The following WASHC4 variants were observed in gnomAD, a reference collection of about 807,000 sequenced individuals.
WASHC4 encodes the protein WASH complex subunit 4.
A neutral mutation model predicts 166.6 loss-of-function variants in WASHC4; 86 were observed. That is an observed-to-expected ratio of 0.52 (90% CI 0.43 to 0.62). The LOEUF is 0.62. Ranked by LOEUF, WASHC4 falls within the 20% of genes least tolerant of loss-of-function variation. The pLI is 0.00. For synonymous variants in WASHC4, 446 were observed against 451.6 expected (o/e 0.99, Z 0.16); for missense variants, 1,262 against 1,382.4 (o/e 0.91, Z 1.38).
rs1474734928 is a variant in WASHC4 at position 105,141,158 on chromosome 12, C to T, written c.1708-9C>T. 26 of 1,611,926 alleles carry T rather than the reference C, an allele frequency of 1.6e-5. No homozygotes were observed. Among genetic ancestry groups the T allele is most frequent in the Non-Finnish European group, 2.0e-5 (24 of 1,178,198 alleles). On this transcript the variant is annotated splice_polypyrimidine_tract_variant and intron_variant, in intron 17 of 32. Coordinates refer to ENST00000332180, the MANE Select transcript of WASHC4 (RefSeq NM_015275.3). The stretch of plus-strand genomic sequence containing the variant: ...CAACTTCTCTGCCTTTTTTTCCTGT[C>T]CCTGATAGAAAACATTTAAAGATGA...
intron 22 of WASHC4, 68 bp from the exon 23 acceptor site, chr12:105,146,384 T>C (rs1337596132): frequency 3.8e-5 from 36 of 940,372 alleles, no homozygotes; most frequent in Non-Finnish European, 3.7e-5. Flanking sequence ...TAAGTCATTA[T>C]GCTGATACAA....
intron 8 of WASHC4, 46 bp downstream of exon 8, chr12:105,120,643 A>T (rs777522503): frequency 7.3e-7 from 1 of 1,366,200 alleles, no homozygotes; most frequent in South Asian, 1.2e-5. Context: ...TTATTACTAT[A>T]TTTTACTTTG....
At chr12:105,110,999 A>G in intron 1 of WASHC4, 126 bp from the exon 2 acceptor site, 3 of 694,644 alleles carry the variant, frequency 4.3e-6, no homozygotes, top group Middle Eastern at 2.6e-4. Flanking sequence ...CTTTATTTTC[A>G]GGAAGTCCAG....
intron 2 of WASHC4, among the ~76,000 whole-genome samples, chr12:105,111,790 AGTTT>A (rs913704825): frequency 1.3e-5 from 2 of 152,204 alleles, no homozygotes; most frequent in African/African-American, 4.8e-5. Flanking sequence ...CTTTAAAATT[AGTTT>A]GTTACCACTT....
chr12:105,139,700 G>A (rs1882653342), intron 15 of WASHC4, among the ~76,000 whole-genome samples: 2 of 151,086 alleles, frequency 1.3e-5, no homozygotes, highest in African/African-American at 4.9e-5. Flanking sequence ...ATTGGATTGT[G>A]TGCCTTTAAA....
At chr12:105,157,375 G>A in intron 28 of WASHC4, 53 bp downstream of exon 28, 1 of 961,104 alleles carries the variant, frequency 1.0e-6, no homozygotes, top group Non-Finnish European at 1.7e-6. Flanking sequence ...ACATTCTGAA[G>A]AGAAGACCAG....
chr12:105,159,932 TGA>T, intron 28 of WASHC4, 67 bp from the exon 29 acceptor site: 1 of 1,389,896 alleles, frequency 7.2e-7, no homozygotes, highest in Non-Finnish European at 1.0e-6. Flanking sequence ...TCTAAACTAT[TGA>T]GAGATGGATT....
At chr12:105,109,720 C>G (rs1379083579) in intron 1 of WASHC4, among the ~76,000 whole-genome samples, 1 of 148,254 alleles carries the variant, frequency 6.7e-6, no homozygotes, top group Non-Finnish European at 1.5e-5. Flanking sequence ...CGCCACGGCT[C>G]ACTGCAGCCT....
chr12:105,132,857 TGTA>T (rs1319493194), intron 13 of WASHC4, among the ~76,000 whole-genome samples: 4 of 151,378 alleles, frequency 2.6e-5, no homozygotes, highest in Admixed American at 6.6e-5. Flanking sequence ...GTACCTGTCA[TGTA>T]GTAAGCATTC....
chr12:105,108,252 T>C (rs1879279685), intron 1 of WASHC4, among the ~76,000 whole-genome samples: 1 of 152,238 alleles, frequency 6.6e-6, no homozygotes, highest in Non-Finnish European at 1.5e-5. Context: ...AGCGTTCAGC[T>C]CTGGAGGACG....
At chr12:105,135,654 C>G (rs554670306) in intron 14 of WASHC4, among the ~76,000 whole-genome samples, 16 of 149,242 alleles carry the variant, frequency 1.1e-4, no homozygotes, top group Non-Finnish European at 2.1e-4. Flanking sequence ...TATTTCTTTT[C>G]TGTTTCCTCT....
chr12:105,162,961 T>C (rs985387373), intron 30 of WASHC4, 116 bp downstream of exon 30: 18 of 633,002 alleles, frequency 2.8e-5, no homozygotes, highest in Admixed American at 8.9e-5. Context: ...CTTTCTTTTT[T>C]CTTTTTTATT....
intron 1 of WASHC4, among the ~76,000 whole-genome samples, chr12:105,109,980 A>G (rs1879507514): frequency 6.6e-6 from 1 of 152,172 alleles, no homozygotes; most frequent in African/African-American, 2.4e-5. Context: ...GAATAAGACA[A>G]CTATTTGGGG....
At chr12:105,157,207 A>C in intron 27 of WASHC4, 29 bp from the exon 28 acceptor site, 5 of 1,149,084 alleles carry the variant, frequency 4.4e-6, no homozygotes, top group Non-Finnish European at 6.6e-6. Context: ...TACTTGACCT[A>C]ATAAATGCCT....
Position 105,152,615 on chromosome 12 carries a change from T to C in WASHC4, c.2758+164T>C, listed in dbSNP as rs188169538. ...CCAAAATTTGTAAGTATGATTAGAC[T>C]GTTGCTGCAGAAATAATTGATAGAC... On this transcript the variant is annotated intron_variant, in intron 26 of 32. Coordinates refer to ENST00000332180, the MANE Select transcript of WASHC4 (RefSeq NM_015275.3). Among the ~76,000 whole-genome samples the C allele has an allele frequency of 1.1e-3, 167 of 152,326 alleles. 1 individual carries two copies. The highest frequency in any genetic ancestry group is 3.6e-3 in the African/African-American group (150 of 41,570).
chr12:105,152,291 T>G, intron 25 of WASHC4, 52 bp from the exon 26 acceptor site: 1 of 903,242 alleles, frequency 1.1e-6, no homozygotes, highest in Non-Finnish European at 1.9e-6. Flanking sequence ...TTGGGAGGCA[T>G]TTTGTGCTTT....
At chr12:105,144,585 T>C (rs1171709023) in intron 21 of WASHC4, 130 bp downstream of exon 21, 2 of 1,188,772 alleles carry the variant, frequency 1.7e-6, no homozygotes, top group Non-Finnish European at 1.2e-6. Flanking sequence ...TTGTTTCTTT[T>C]CTCATTTTTA....
chr12:105,113,021 C>A (rs1229095898), intron 2 of WASHC4, among the ~76,000 whole-genome samples: 2 of 152,008 alleles, frequency 1.3e-5, no homozygotes, highest in Admixed American at 6.6e-5. Context: ...GACTTCTTTT[C>A]TTGCAGGCTG....
intron 13 of WASHC4, among the ~76,000 whole-genome samples, chr12:105,132,581 T>G (rs1881939862): frequency 6.6e-6 from 1 of 152,220 alleles, no homozygotes; most frequent in African/African-American, 2.4e-5. Flanking sequence ...AGATTTAGTA[T>G]TTGTAATCAT....
Sources: allele counts gnomAD v4.1 joint callset (sites outside exome capture counted in the v4.1 genomes callset), GRCh38; gene constraint gnomAD v4.1.1; transcripts MANE v1.5; gene names NCBI Gene and HGNC (gene_info 2026-07-23, HGNC 2026-07-21).